The following DCC variants were observed in gnomAD, a reference collection of about 807,000 sequenced individuals.
DCC encodes netrin receptor DCC.
Under a neutral mutation model 172.5 loss-of-function variants are expected in DCC, and 58 were observed. The observed-to-expected ratio is 0.34, with a 90% CI of 0.27 to 0.42. DCC has a LOEUF of 0.42. Among genes scored for constraint, DCC ranks in the 10% least tolerant of loss-of-function variants. The pLI, the probability that DCC is intolerant of heterozygous loss-of-function variation, is 1.00. For synonymous variants in DCC, 709 were observed against 644.5 expected (o/e 1.10, Z -1.52); for missense variants, 1,740 against 1,791.0 (o/e 0.97, Z 0.51).
At chr18:53,451,709 T>C (rs1599165702) in intron 23 of DCC, among the ~76,000 whole-genome samples, 1 of 106,106 alleles carries the variant, frequency 9.4e-6, no homozygotes, top group Non-Finnish European at 1.9e-5. Flanking sequence ...AGCTCGCTCT[T>C]GCTCTCTCTC....
chr18:53,364,944 AT>A (rs2057987045), intron 15 of DCC, among the ~76,000 whole-genome samples: 2 of 152,048 alleles, frequency 1.3e-5, no homozygotes. Flanking sequence ...ATTGATGGAA[AT>A]TTTTTCCTAT....
chr18:52,795,886 G>A (rs536029102), intron 2 of DCC, among the ~76,000 whole-genome samples: 15 of 151,768 alleles, frequency 9.9e-5, no homozygotes, highest in African/African-American at 3.6e-4. Flanking sequence ...CCATGTAGTT[G>A]TACAGTTTTC....
chr18:53,055,450 A>T (rs1338477589), intron 5 of DCC, among the ~76,000 whole-genome samples: 1 of 152,160 alleles, frequency 6.6e-6, no homozygotes, highest in Non-Finnish European at 1.5e-5. Context: ...AGATTGAAAC[A>T]TCTTTTGGAA....
At chr18:52,428,176 A>G (rs1987505138) in intron 1 of DCC, among the ~76,000 whole-genome samples, 1 of 151,992 alleles carries the variant, frequency 6.6e-6, no homozygotes, top group Admixed American at 6.6e-5. Flanking sequence ...TTGCCTCTCT[A>G]CATGCATATT....
chr18:52,714,832 G>A (rs17756205), intron 1 of DCC, among the ~76,000 whole-genome samples: 9 of 151,960 alleles, frequency 5.9e-5, no homozygotes, highest in South Asian at 2.1e-4. Context: ...GAAATGTTAC[G>A]GATATAAAAG....
chr18:53,478,695 T>C (rs2045796720), intron 25 of DCC, among the ~76,000 whole-genome samples: 1 of 152,172 alleles, frequency 6.6e-6, no homozygotes, highest in Non-Finnish European at 1.5e-5. Context: ...TTCTAGAACA[T>C]TCACTATGAG....
chr18:53,076,604 TA>T (rs1236916477), intron 7 of DCC, among the ~76,000 whole-genome samples: 3 of 151,758 alleles, frequency 2.0e-5, no homozygotes, highest in East Asian at 2.0e-4. Flanking sequence ...CTTTTCAATA[TA>T]ATGAGGGATT....
intron 2 of DCC, among the ~76,000 whole-genome samples, chr18:52,878,041 G>T (rs148722770): frequency 6.6e-6 from 1 of 151,886 alleles, no homozygotes; most frequent in East Asian, 1.9e-4. Context: ...CAGCATTCAT[G>T]ATCTTTCACT....
rs1407152639 is a variant in DCC, at chr18:53,205,223, TCCAGGG to T, written c.1586_1591del (p.Gly529_Pro530del). On this transcript the variant is annotated inframe_deletion, in exon 10 of 29. Coordinates refer to ENST00000442544, the MANE Select transcript of DCC (RefSeq NM_005215.4). The stretch of plus-strand genomic sequence containing the variant: ...TATTATTTTTTTATACAGTGCAAGT[TCCAGGG>T]CCAGTAGAAAACCTGCAAGCTGTAT... The T allele has an allele frequency of 6.2e-7, 1 of 1,613,152 alleles. No homozygotes were observed. The highest frequency in any genetic ancestry group is 1.1e-5 in the South Asian group (1 of 91,066).
At chr18:52,879,500 T>G (rs566720376) in intron 2 of DCC, among the ~76,000 whole-genome samples, 92 of 143,458 alleles carry the variant, frequency 6.4e-4, no homozygotes, top group Non-Finnish European at 1.1e-3. Flanking sequence ...CTCGGCTCAC[T>G]GCAACCTCCA....
intron 24 of DCC, among the ~76,000 whole-genome samples, chr18:53,460,437 C>T (rs1389923271): frequency 9.9e-6 from 1 of 100,696 alleles, no homozygotes; most frequent in Admixed American, 1.1e-4. Flanking sequence ...CCCCCTCCCC[C>T]CACCCCACAA....
Position 52,662,145 on chromosome 18 carries a change from A to T in DCC, c.92-89909A>T, listed in dbSNP as rs934428044. 3.3e-5 allele frequency among the ~76,000 whole-genome samples: 5 copies of T among 152,202 alleles called. No homozygotes were observed. In the South Asian group the frequency reaches 1.0e-3, roughly 31 times the overall value. ...CGGGCTTGTTAACATTCAGATTGCA[A>T]GGCCCCACACCTAGAGTTTCTAATT... On this transcript the variant is annotated intron_variant, in intron 1 of 28. Coordinates refer to ENST00000442544, the MANE Select transcript of DCC (RefSeq NM_005215.4).
At chr18:53,351,460 C>T (rs1327569688) in intron 15 of DCC, among the ~76,000 whole-genome samples, 11 of 21,590 alleles carry the variant, frequency 5.1e-4, no homozygotes, top group East Asian at 3.6e-3. Context: ...TATATATACA[C>T]AGTGTGTATA....
At chr18:53,008,674 A>C (rs2041682359) in intron 5 of DCC, among the ~76,000 whole-genome samples, 1 of 151,988 alleles carries the variant, frequency 6.6e-6, no homozygotes, top group Non-Finnish European at 1.5e-5. Flanking sequence ...TTACTCAAAA[A>C]CTTTGTAAAT....
intron 1 of DCC, among the ~76,000 whole-genome samples, chr18:52,395,190 G>A (rs1986175632): frequency 6.6e-6 from 1 of 151,978 alleles, no homozygotes; most frequent in Non-Finnish European, 1.5e-5. Flanking sequence ...CAGATTCAGG[G>A]GAACACAGTG....
At chr18:53,141,089 C>T (rs1040748524) in intron 7 of DCC, among the ~76,000 whole-genome samples, 11 of 152,002 alleles carry the variant, frequency 7.2e-5, no homozygotes, top group African/African-American at 2.4e-4. Context: ...AAGCATGAAT[C>T]CTGGTTAAAA....
chr18:53,489,031 C>T (rs1037130275), intron 26 of DCC, among the ~76,000 whole-genome samples: 7 of 149,402 alleles, frequency 4.7e-5, no homozygotes, highest in Non-Finnish European at 7.4e-5. Flanking sequence ...TGGTGGCATG[C>T]GCCTATAGTC....
chr18:53,533,813 G>A lies in DCC; in HGVS notation c.*3160G>A, dbSNP rs375579203. On this transcript the variant is annotated 3_prime_UTR_variant, in exon 29 of 29. Transcript: ENST00000442544. ...AGTGATATAAGTGGAGATTTATTAAGGATTCCTGTTGAGTATATTCTTAGT... is the reference window on the plus strand; with the variant it reads ...AGTGATATAAGTGGAGATTTATTAAAGATTCCTGTTGAGTATATTCTTAGT... 1 of 152,154 alleles carries A rather than the reference G, an allele frequency of 6.6e-6. No homozygotes were observed. Among genetic ancestry groups the A allele is most frequent in the Non-Finnish European group, 1.5e-5 (1 of 68,028 alleles). 9.4% of individuals were successfully genotyped at this position (152,154 alleles called of 1,614,324 possible). A position where few individuals can be genotyped will look rare whatever the true frequency, so the allele number is the denominator to read the frequency against.
chr18:53,349,419 G>A (rs894016464), intron 15 of DCC, among the ~76,000 whole-genome samples: 1 of 152,066 alleles, frequency 6.6e-6, no homozygotes, highest in African/African-American at 2.4e-5. Context: ...ATCTTCTTCT[G>A]AGCCCTCCAC....
Sources: gnomAD v4.1 joint callset for allele counts (sites outside exome capture counted in the v4.1 genomes callset) on GRCh38, gnomAD v4.1.1 for gene constraint, MANE v1.5 for transcripts, NCBI Gene and HGNC (gene_info 2026-07-23, HGNC 2026-07-21) for gene names.